Variants in LOC400499 observed in about 807,000 individuals in gnomAD.
chr16:11,383,872 A>T, the LOC400499 span: 1 of 1,231,988 alleles, frequency 8.1e-7, no homozygotes, highest in Non-Finnish European at 1.0e-6. Context: ...CCCATGGGCC[A>T]GGCTCACACT....
chr16:11,397,797 G>GGATGGATGCAT, the LOC400499 span, among the ~76,000 whole-genome samples: 1,181 of 142,354 alleles, frequency 8.3e-3, 16 homozygotes, highest in Middle Eastern at 0.044. Context: ...GAGGGAGGGA[G>GGATGGATGCAT]GGATGGACGG....
At chr16:11,497,129 G>T in the LOC400499 span, among the ~76,000 whole-genome samples, 1 of 152,178 alleles carries the variant, frequency 6.6e-6, no homozygotes, top group African/African-American at 2.4e-5. Context: ...TGTACGTGCA[G>T]GTCTGTGCAT....
the LOC400499 span, among the ~76,000 whole-genome samples, chr16:11,443,089 T>C: frequency 6.6e-6 from 1 of 151,976 alleles, no homozygotes; most frequent in Admixed American, 6.6e-5. Flanking sequence ...TTTGGGAGGC[T>C]GAGGCCGGGG....
chr16:11,403,976 C>T, the LOC400499 span, among the ~76,000 whole-genome samples: 30 of 152,290 alleles, frequency 2.0e-4, no homozygotes, highest in East Asian at 5.6e-3. Context: ...TCGCCTCATC[C>T]CTTCTCCCCA....
chr16:11,516,268 G>A, the LOC400499 span: 1 of 399,652 alleles, frequency 2.5e-6, no homozygotes, highest in Non-Finnish European at 4.4e-6. Flanking sequence ...CACGCCCAGA[G>A]TGCAGGATGA....
chr16:11,439,436 G>T, the LOC400499 span: 2 of 398,876 alleles, frequency 5.0e-6, no homozygotes, highest in South Asian at 2.6e-4. Context: ...GCTGCTCAGA[G>T]ACAACCCTTG....
the LOC400499 span, chr16:11,447,044 C>T: frequency 9.5e-7 from 1 of 1,052,756 alleles, no homozygotes. Flanking sequence ...GAGAAGAGAA[C>T]ATCAGGACAC....
At chr16:11,425,382 T>A in the LOC400499 span, 2 of 399,156 alleles carry the variant, frequency 5.0e-6, no homozygotes, top group African/African-American at 2.1e-5. Flanking sequence ...CTCATGCTGG[T>A]CCCGCAGGAG....
At chr16:11,501,420 C>T in the LOC400499 span, among the ~76,000 whole-genome samples, 36 of 152,272 alleles carry the variant, frequency 2.4e-4, no homozygotes, top group Admixed American at 1.2e-3. Flanking sequence ...TGCAGTGGTG[C>T]GATCACACCT....
At chr16:11,483,719 A>AC in the LOC400499 span, among the ~76,000 whole-genome samples, 5 of 151,378 alleles carry the variant, frequency 3.3e-5, no homozygotes, top group Non-Finnish European at 5.9e-5. Flanking sequence ...TAAAAAAAAA[A>AC]AAAAAACTAG....
chr16:11,484,908 C>T, the LOC400499 span: 3 of 399,266 alleles, frequency 7.5e-6, no homozygotes, highest in Non-Finnish European at 8.8e-6. Context: ...ATCCTTCTGT[C>T]TCTGTCTCCT....
chr16:11,410,536 A>G, the LOC400499 span, among the ~76,000 whole-genome samples: 2 of 152,204 alleles, frequency 1.3e-5, no homozygotes, highest in Non-Finnish European at 2.9e-5. Context: ...AGGAACTCCA[A>G]AATCACGTGT....
the LOC400499 span, among the ~76,000 whole-genome samples, chr16:11,392,974 C>T: frequency 7.2e-5 from 11 of 152,326 alleles, no homozygotes; most frequent in African/African-American, 2.4e-4. Flanking sequence ...CTGCCTCAGC[C>T]TCCTGAGTAG....
At chr16:11,501,225 C>A in the LOC400499 span, among the ~76,000 whole-genome samples, 1 of 151,226 alleles carries the variant, frequency 6.6e-6, no homozygotes, top group Non-Finnish European at 1.5e-5. Context: ...AAGTCCGTAC[C>A]CAGTGCTCTG....
At chr16:11,434,634 A>G in the LOC400499 span, among the ~76,000 whole-genome samples, 1 of 152,172 alleles carries the variant, frequency 6.6e-6, no homozygotes, top group Non-Finnish European at 1.5e-5. Context: ...AGCAGAAAAG[A>G]GTTTGTTTTT....
At chr16:11,479,903 C>A in the LOC400499 span, among the ~76,000 whole-genome samples, 1 of 152,132 alleles carries the variant, frequency 6.6e-6, no homozygotes, top group African/African-American at 2.4e-5. Context: ...TGGTTCATGG[C>A]AGTTTTTTAG....
At chr16:11,421,917 T>C in the LOC400499 span, among the ~76,000 whole-genome samples, 2,507 of 152,154 alleles carry the variant, frequency 0.016, 70 homozygotes, top group African/African-American at 0.057. Context: ...TTTAAAACGG[T>C]TTTACATTAT....
the LOC400499 span, among the ~76,000 whole-genome samples, chr16:11,462,988 C>A: frequency 6.6e-6 from 1 of 152,194 alleles, no homozygotes; most frequent in Admixed American, 6.5e-5. Flanking sequence ...CTGGTGGCAA[C>A]TAATCTCCAC....
the LOC400499 span, among the ~76,000 whole-genome samples, chr16:11,430,542 C>G: frequency 6.6e-6 from 1 of 151,862 alleles, no homozygotes; most frequent in Non-Finnish European, 1.5e-5. Flanking sequence ...TAGGAAAACA[C>G]AATTCAGGAA....
Sources: gnomAD v4.1 joint callset for allele counts (sites outside exome capture counted in the v4.1 genomes callset) on GRCh38, gnomAD v4.1.1 for gene constraint, MANE v1.5 for transcripts.